Variants in TMEM135 observed in about 807,000 individuals in gnomAD.
The protein encoded by TMEM135 is transmembrane protein 135, also known as peroxisomal membrane protein 52.
A neutral mutation model predicts 60.3 loss-of-function variants in TMEM135; 30 were observed. That is an observed-to-expected ratio of 0.50 (90% CI 0.37 to 0.68). The LOEUF (loss-of-function observed/expected upper bound fraction) is 0.68, where lower values mean the gene tolerates loss of function less well. TMEM135 is among the 30% of genes least tolerant of loss of function. TMEM135 has a pLI of 0.00. For missense variants in TMEM135, 468 were observed against 548.8 expected (o/e 0.85, Z 1.47); for synonymous variants, 190 against 186.7 (o/e 1.02, Z -0.14).
At chr11:87,105,703 A>G in intron 4 of TMEM135, among the ~76,000 whole-genome samples, 1 of 152,360 alleles carries the variant, frequency 6.6e-6, no homozygotes, top group African/African-American at 2.4e-5. Context: ...AATGTAGGAT[A>G]TCCATCACTT....
Position 87,314,437 on chromosome 11 carries a change from G to A in TMEM135, c.1001-34G>A, listed in dbSNP as rs370827021. ...ACATAATAACAAATAAATACTCTGC[G>A]ATCTTATCAGTTATTTCTTATTTCT... On this transcript the variant is annotated intron_variant, in intron 11 of 14. Coordinates refer to ENST00000305494, the MANE Select transcript of TMEM135 (RefSeq NM_022918.4). 1.7e-5 allele frequency: 26 copies of A among 1,536,864 alleles called. No homozygotes were observed. The African/African-American group carries it at 2.0e-4, about 12-fold the overall frequency.
At chr11:87,110,237 T>G (rs1857707696) in intron 4 of TMEM135, among the ~76,000 whole-genome samples, 1 of 152,102 alleles carries the variant, frequency 6.6e-6, no homozygotes, top group Non-Finnish European at 1.5e-5. Context: ...GTTTTCCAAC[T>G]CAAATTACCA....
chr11:87,305,279 G>A (rs1942519338), intron 8 of TMEM135, among the ~76,000 whole-genome samples: 1 of 151,938 alleles, frequency 6.6e-6, no homozygotes, highest in Non-Finnish European at 1.5e-5. Context: ...ACTTGGCAGA[G>A]TATATATATA....
At chr11:87,060,604 C>A (rs147065861) in intron 1 of TMEM135, among the ~76,000 whole-genome samples, 86 of 152,156 alleles carry the variant, frequency 5.7e-4, no homozygotes, top group Admixed American at 1.1e-3. Context: ...GTATCAGTCA[C>A]CTTGAGTAAC....
intron 6 of TMEM135, among the ~76,000 whole-genome samples, chr11:87,257,340 T>C (rs1204016706): frequency 1.3e-5 from 2 of 152,182 alleles, no homozygotes; most frequent in African/African-American, 2.4e-5. Context: ...CCTGATTCTT[T>C]CTTTCTGTTA....
At chr11:87,311,098 T>C (rs1590864188) in intron 10 of TMEM135, among the ~76,000 whole-genome samples, 2 of 85,296 alleles carry the variant, frequency 2.3e-5, no homozygotes, top group Admixed American at 1.1e-4. Flanking sequence ...TGTGGGTATA[T>C]ATATATGTCT....
intron 5 of TMEM135, among the ~76,000 whole-genome samples, chr11:87,218,455 G>T (rs909097695): frequency 6.6e-6 from 1 of 152,010 alleles, no homozygotes; most frequent in Non-Finnish European, 1.5e-5. Context: ...AATGATTCTT[G>T]GTCTCATCAG....
chr11:87,272,321 G>A (rs560566762), intron 6 of TMEM135, among the ~76,000 whole-genome samples: 6 of 152,066 alleles, frequency 3.9e-5, no homozygotes, highest in Non-Finnish European at 8.8e-5. Context: ...CTCCCAAAGT[G>A]TTGGGATTAC....
At chr11:87,063,118 T>C (rs1949965781) in intron 1 of TMEM135, among the ~76,000 whole-genome samples, 1 of 152,236 alleles carries the variant, frequency 6.6e-6, no homozygotes, top group African/African-American at 2.4e-5. Flanking sequence ...TAATCTATTA[T>C]CAACCATTTA....
intron 5 of TMEM135, among the ~76,000 whole-genome samples, chr11:87,208,464 T>C (rs1194539704): frequency 6.6e-6 from 1 of 152,082 alleles, no homozygotes; most frequent in Admixed American, 6.5e-5. Flanking sequence ...GAGGAAAGAA[T>C]TGAAGAGCTT....
intron 3 of TMEM135, among the ~76,000 whole-genome samples, chr11:87,087,799 C>G (rs927331711): frequency 6.6e-6 from 1 of 151,992 alleles, no homozygotes; most frequent in African/African-American, 2.4e-5. Context: ...TGCAATGGTG[C>G]GATCTTGGCC....
intron 5 of TMEM135, among the ~76,000 whole-genome samples, chr11:87,213,797 G>C (rs920749150): frequency 6.6e-5 from 10 of 152,172 alleles, no homozygotes; most frequent in Non-Finnish European, 1.5e-4. Context: ...TGAATAGAAG[G>C]TCATTTGTGG....
chr11:87,249,564 G>T (rs1248130569), intron 6 of TMEM135, among the ~76,000 whole-genome samples: 2 of 151,838 alleles, frequency 1.3e-5, no homozygotes, highest in Non-Finnish European at 2.9e-5. Context: ...AAGGTTTTCT[G>T]TTTTTTTGAT....
chr11:87,147,478 G>A (rs774562154), intron 4 of TMEM135, among the ~76,000 whole-genome samples: 169 of 151,910 alleles, frequency 1.1e-3, no homozygotes, highest in Non-Finnish European at 5.9e-4. Context: ...TGGGACTATA[G>A]GCATGTGCCA....
intron 4 of TMEM135, among the ~76,000 whole-genome samples, chr11:87,099,138 C>T (rs531241207): frequency 4.6e-5 from 7 of 152,144 alleles, no homozygotes; most frequent in South Asian, 2.1e-4. Context: ...TAGTAGCACA[C>T]GCTGTGTACT....
intron 1 of TMEM135, among the ~76,000 whole-genome samples, chr11:87,062,420 C>A (rs2135129743): frequency 2.8e-5 from 1 of 35,226 alleles, no homozygotes; most frequent in African/African-American, 1.2e-4. Context: ...CCCCCAAGCC[C>A]CCCCCCCCCC....
intron 4 of TMEM135, among the ~76,000 whole-genome samples, chr11:87,124,178 T>C (rs1937656632): frequency 6.6e-6 from 1 of 152,202 alleles, no homozygotes; most frequent in Non-Finnish European, 1.5e-5. Flanking sequence ...ACCAATTTGG[T>C]TGGCTTAAGA....
intron 5 of TMEM135, chr11:87,157,696 A>AG: frequency 6.3e-6 from 2 of 316,090 alleles, no homozygotes; most frequent in Non-Finnish European, 1.2e-5. Flanking sequence ...TAATGAAAAA[A>AG]AGAATTCCTT....
At position 87,267,032 on chromosome 11, in the gene TMEM135, T is replaced by A. The variant is rs148363601; in HGVS notation, c.510-28750T>A. 2.5e-3 allele frequency among the ~76,000 whole-genome samples: 382 copies of A among 152,238 alleles called. 1 individual carries two copies. The highest frequency in any genetic ancestry group is 3.1e-3 in the Non-Finnish European group (210 of 67,998). On this transcript the variant is annotated intron_variant, in intron 6 of 14. Coordinates refer to ENST00000305494, the MANE Select transcript of TMEM135 (RefSeq NM_022918.4). ...GAGCTTAAGGTGGTAGAGTGTTTCC[T>A]AGGGTCATAGAATTTAAGCTGGATA... is the stretch of plus-strand genomic sequence containing the variant.
Sources: gnomAD v4.1 joint callset for allele counts (sites outside exome capture counted in the v4.1 genomes callset) on GRCh38, gnomAD v4.1.1 for gene constraint, MANE v1.5 for transcripts, NCBI Gene and HGNC (gene_info 2026-07-23, HGNC 2026-07-21) for gene names.